Variants in CACNA2D3 observed in about 807,000 individuals in gnomAD.
CACNA2D3 encodes calcium voltage-gated channel auxiliary subunit alpha2delta 3, also known as voltage-dependent calcium channel subunit alpha-2/delta-3.
A neutral mutation model predicts 160.6 loss-of-function variants in CACNA2D3; 60 were observed. The observed-to-expected ratio is 0.37, with a 90% CI of 0.30 to 0.46. The LOEUF (loss-of-function observed/expected upper bound fraction) is 0.46. Among genes scored for constraint, CACNA2D3 ranks in the 20% least tolerant of loss-of-function variants. The pLI, the probability that CACNA2D3 is intolerant of heterozygous loss-of-function variation, is 1.00. For synonymous variants in CACNA2D3, 558 were observed against 492.9 expected (o/e 1.13, Z -1.75); for missense variants, 1,205 against 1,365.0 (o/e 0.88, Z 1.85).
intron 5 of CACNA2D3, 47 bp downstream of exon 5, chr3:54,503,701 G>T: frequency 6.4e-7 from 1 of 1,563,016 alleles, no homozygotes; most frequent in South Asian, 1.1e-5. Flanking sequence ...AGAATCAGGG[G>T]GTTGAGAAGC....
intron 4 of CACNA2D3, among the ~76,000 whole-genome samples, chr3:54,474,701 C>T (rs930716692): frequency 6.6e-6 from 1 of 151,658 alleles, no homozygotes; most frequent in African/African-American, 2.4e-5. Flanking sequence ...AAAATGAGAC[C>T]ATCAGGAACA....
chr3:55,031,497 AC>A (rs1559468745), intron 35 of CACNA2D3, among the ~76,000 whole-genome samples: 1 of 152,218 alleles, frequency 6.6e-6, no homozygotes, highest in African/African-American at 2.4e-5. Context: ...AAGTTTCTAG[AC>A]CCAAACCACT....
chr3:54,651,419 T>C (rs1265083228), intron 11 of CACNA2D3, among the ~76,000 whole-genome samples: 1 of 102,118 alleles, frequency 9.8e-6, no homozygotes, highest in Non-Finnish European at 2.3e-5. Context: ...TCTTCAGTTA[T>C]CTCGAGAAAA....
chr3:54,159,740 T>A (rs1053634170), intron 2 of CACNA2D3, among the ~76,000 whole-genome samples: 2 of 152,186 alleles, frequency 1.3e-5, no homozygotes, highest in African/African-American at 4.8e-5. Context: ...ACCAATAGAA[T>A]TTCCCTCTTT....
intron 4 of CACNA2D3, among the ~76,000 whole-genome samples, chr3:54,455,544 G>C (rs1010878027): frequency 6.6e-6 from 1 of 151,770 alleles, no homozygotes; most frequent in African/African-American, 2.4e-5. Context: ...TCTATTGATT[G>C]TTTTCCTTTG....
rs143369832 is a variant in CACNA2D3 at position 54,692,036 on chromosome 3, G to A, written c.1167+49795G>A. 4.8e-3 allele frequency among the ~76,000 whole-genome samples: 729 copies of A among 151,826 alleles called. 7 individuals are homozygous for A. Among genetic ancestry groups the A allele is most frequent in the African/African-American group, 0.016 (664 of 41,326 alleles). On this transcript the variant is annotated intron_variant, in intron 11 of 37. Transcript: ENST00000474759. ...CTTGTCCAGGCTGGAGTACAGTGGC[G>A]TGACCTCGGCTCACTGCAACCTCGC...
At chr3:54,487,558 C>T (rs901259148) in intron 4 of CACNA2D3, among the ~76,000 whole-genome samples, 2 of 152,098 alleles carry the variant, frequency 1.3e-5, no homozygotes, top group Admixed American at 6.6e-5. Flanking sequence ...AAATCATATT[C>T]GAGGGTCTCC....
At chr3:54,815,633 T>G (rs1703432588) in intron 13 of CACNA2D3, among the ~76,000 whole-genome samples, 1 of 152,228 alleles carries the variant, frequency 6.6e-6, no homozygotes, top group Non-Finnish European at 1.5e-5. Context: ...TATGTGTGAA[T>G]TGAGTTGAAT....
rs139749428 is a variant in CACNA2D3, at chr3:54,770,699, G to A, written c.1380+6348G>A. On this transcript the variant is annotated intron_variant, in intron 13 of 37. Coordinates refer to ENST00000474759, the MANE Select transcript of CACNA2D3 (RefSeq NM_018398.3). ...GGCCATTCTGGTGCACGAAGCATAT[G>A]TCTGTTCCCCATGCTTGAGTTGCAA... 2.0e-4 allele frequency among the ~76,000 whole-genome samples: 30 copies of A among 152,308 alleles called. No individual in the cohort carries two copies. The East Asian group carries it at 5.4e-3, about 28-fold the overall frequency.
intron 2 of CACNA2D3, among the ~76,000 whole-genome samples, chr3:54,295,922 T>G (rs1054429061): frequency 6.6e-6 from 1 of 152,202 alleles, no homozygotes; most frequent in Non-Finnish European, 1.5e-5. Flanking sequence ...GTCCTAAGAT[T>G]TATTTTCCTT....
At chr3:54,426,354 T>C (rs1377351159) in intron 4 of CACNA2D3, among the ~76,000 whole-genome samples, 11 of 152,238 alleles carry the variant, frequency 7.2e-5, no homozygotes, top group Non-Finnish European at 1.3e-4. Flanking sequence ...GTCTTTGTTA[T>C]AAACTGCACT....
At chr3:54,643,448 A>G (rs1393776385) in intron 11 of CACNA2D3, among the ~76,000 whole-genome samples, 1 of 152,032 alleles carries the variant, frequency 6.6e-6, no homozygotes, top group African/African-American at 2.4e-5. Flanking sequence ...TCCAGTCTTG[A>G]AAAGAGCCAT....
intron 4 of CACNA2D3, among the ~76,000 whole-genome samples, chr3:54,447,075 G>A (rs952798480): frequency 6.6e-6 from 1 of 152,136 alleles, no homozygotes; most frequent in African/African-American, 2.4e-5. Flanking sequence ...CAAATGTTGT[G>A]GACCAGGCGT....
intron 8 of CACNA2D3, 137 bp downstream of exon 8, chr3:54,570,241 T>C (rs1378229423): frequency 9.8e-6 from 9 of 916,828 alleles, no homozygotes; most frequent in African/African-American, 6.6e-5. Flanking sequence ...CTCATGAAAG[T>C]TGACAGAGTC....
At chr3:54,573,844 T>G (rs187513572) in intron 8 of CACNA2D3, among the ~76,000 whole-genome samples, 15 of 152,354 alleles carry the variant, frequency 9.8e-5, no homozygotes, top group Non-Finnish European at 1.8e-4. Context: ...TCTGCGAATT[T>G]TGCCTCGTTG....
intron 35 of CACNA2D3, among the ~76,000 whole-genome samples, chr3:55,037,794 A>G (rs1703862456): frequency 6.6e-6 from 1 of 152,196 alleles, no homozygotes; most frequent in Admixed American, 6.5e-5. Flanking sequence ...CCTGGCGTTA[A>G]CCATATTTTT....
At chr3:54,598,039 C>T (rs569122157) in intron 9 of CACNA2D3, among the ~76,000 whole-genome samples, 10 of 151,828 alleles carry the variant, frequency 6.6e-5, no homozygotes, top group South Asian at 2.1e-4. Context: ...CCTGTAATCC[C>T]AGCACTTTGG....
At chr3:54,717,344 G>A (rs1015408659) in intron 11 of CACNA2D3, among the ~76,000 whole-genome samples, 1 of 152,162 alleles carries the variant, frequency 6.6e-6, no homozygotes, top group South Asian at 2.1e-4. Context: ...GAATATCCAG[G>A]AGTCGAATTA....
At chr3:54,889,002 A>G (rs1699994887) in intron 24 of CACNA2D3, among the ~76,000 whole-genome samples, 1 of 152,246 alleles carries the variant, frequency 6.6e-6, no homozygotes, top group Admixed American at 6.5e-5. Context: ...TAACAGATCT[A>G]AAGTGGAGGA....
Sources: allele counts gnomAD v4.1 joint callset (sites outside exome capture counted in the v4.1 genomes callset), GRCh38; gene constraint gnomAD v4.1.1; transcripts MANE v1.5; gene names NCBI Gene and HGNC (gene_info 2026-07-23, HGNC 2026-07-21).